The following USP8 variants were observed in gnomAD, a reference collection of about 807,000 sequenced individuals.
USP8 encodes the protein ubiquitin carboxyl-terminal hydrolase 8.
A neutral mutation model predicts 130.0 loss-of-function variants in USP8; 27 were observed. The ratio of observed to expected loss-of-function variants is 0.21; its 90% CI spans 0.15 to 0.29. The LOEUF is 0.29. USP8 is among the 10% of genes least tolerant of loss of function. USP8 has a pLI of 1.00. For synonymous variants in USP8, 392 were observed against 444.1 expected (o/e 0.88, Z 1.48); for missense variants, 1,029 against 1,312.2 (o/e 0.78, Z 3.33).
intron 4 of USP8, among the ~76,000 whole-genome samples, chr15:50,450,044 C>T (rs184352217): frequency 0.044 from 6,623 of 151,310 alleles, 160 homozygotes; most frequent in South Asian, 0.091. Context: ...CAGGCGCCCG[C>T]CACCTCACCC....
chr15:50,459,212 T>A, intron 5 of USP8, 50 bp downstream of exon 5: 2 of 1,558,318 alleles, frequency 1.3e-6, no homozygotes, highest in Non-Finnish European at 1.7e-6. Context: ...GCTTGTTAGA[T>A]GATTTGCTTA....
At chr15:50,485,545 T>A (rs1566880947) in intron 12 of USP8, among the ~76,000 whole-genome samples, 1 of 143,714 alleles carries the variant, frequency 7.0e-6, no homozygotes, top group African/African-American at 2.6e-5. Context: ...GCATGCAGTT[T>A]AGTGATTTTT....
chr15:50,485,381 C>T (rs554170769), intron 12 of USP8, among the ~76,000 whole-genome samples: 3 of 149,600 alleles, frequency 2.0e-5, no homozygotes, highest in South Asian at 2.1e-4. Context: ...ACCAGGGAGG[C>T]GGAGCTTGCA....
chr15:50,463,488 A>AAC (rs1280395829), intron 6 of USP8: 1 of 152,258 alleles, frequency 6.6e-6, no homozygotes, highest in Non-Finnish European at 1.5e-5. Flanking sequence ...AATTATAGGT[A>AAC]ACAGTAAAAT....
Position 50,502,603 on chromosome 15 carries a change from C to T in USP8, c.*3515C>T, listed in dbSNP as rs2052606914. 6.6e-6 allele frequency: 1 copy of T among 152,238 alleles called. No individual in the cohort carries two copies. Among genetic ancestry groups the T allele is most frequent in the Non-Finnish European group, 1.5e-5 (1 of 68,112 alleles). 9.4% of individuals were successfully genotyped at this position (152,238 alleles called of 1,614,324 possible). A position where few individuals can be genotyped will look rare whatever the true frequency, so the allele number is the denominator to read the frequency against. On this transcript the variant is annotated 3_prime_UTR_variant, in exon 20 of 20. Transcript: ENST00000307179. ...CAGGCTGGTCTTGAACTCCTGACCT[C>T]AAGTGATCCACCTGCCTCCACCTCC...
chr15:50,469,111 T>C (rs1393531130), intron 7 of USP8, among the ~76,000 whole-genome samples: 1 of 152,184 alleles, frequency 6.6e-6, no homozygotes, highest in African/African-American at 2.4e-5. Context: ...TTGTGTGTAG[T>C]TGTAGTTTGT....
chr15:50,454,983 C>CTTG (rs1370296998), intron 4 of USP8, among the ~76,000 whole-genome samples: 2 of 151,720 alleles, frequency 1.3e-5, no homozygotes, highest in Admixed American at 6.6e-5. Context: ...CTGTGTTGCC[C>CTTG]AGGATGGTTC....
At chr15:50,487,973 G>A (rs1243857666) in intron 12 of USP8, among the ~76,000 whole-genome samples, 1 of 152,124 alleles carries the variant, frequency 6.6e-6, no homozygotes, top group Non-Finnish European at 1.5e-5. Context: ...TGTGCCAAGG[G>A]TTCAAGAACA....
Position 50,507,615 on chromosome 15 carries a change from A to G in USP8, c.*8527A>G, listed in dbSNP as rs886552287. 4 of 152,218 alleles carry G rather than the reference A, an allele frequency of 2.6e-5. No individual in the cohort carries two copies. Among genetic ancestry groups the G allele is most frequent in the African/African-American group, 9.7e-5 (4 of 41,450 alleles). 9.4% of individuals were successfully genotyped at this position (152,218 alleles called of 1,614,324 possible). On this transcript the variant is annotated 3_prime_UTR_variant, in exon 20 of 20. Coordinates refer to ENST00000307179, the MANE Select transcript of USP8 (RefSeq NM_005154.5). ...AAAACAGACTTGTTAAAAACAAATG[A>G]CAGAACTATAGGGAAGTTTTGACAA...
At position 50,449,447 on chromosome 15, in the gene USP8, C is replaced by T. The variant is rs183341645; in HGVS notation, c.297C>T (p.Val99=). 2.1e-5 allele frequency: 33 copies of T among 1,595,856 alleles called. No homozygotes were observed. Among genetic ancestry groups the T allele is most frequent in the Admixed American group, 5.1e-5 (3 of 58,834 alleles). The part of the protein sequence containing the change: ...ILGPGNIKKA[V]EEAERLSESL... Reference sequence around the variant, plus strand: ...GACCTGGAAACATCAAAAAAGCTGTCGAAGAAGCTGAAAGACTCTCTGAAA... The same window carrying T: ...GACCTGGAAACATCAAAAAAGCTGTTGAAGAAGCTGAAAGACTCTCTGAAA... Residue 99 remains valine (V), a synonymous_variant, in exon 4 of 20, where the codon GTC becomes GTT. Coordinates refer to ENST00000307179, the MANE Select transcript of USP8 (RefSeq NM_005154.5).
intron 2 of USP8, among the ~76,000 whole-genome samples, chr15:50,439,685 G>C (rs1172758915): frequency 6.6e-6 from 1 of 151,720 alleles, no homozygotes; most frequent in Non-Finnish European, 1.5e-5. Flanking sequence ...AGCTACTCGG[G>C]AGGCTGAGGC....
chr15:50,484,992 G>A (rs540595644), intron 12 of USP8, among the ~76,000 whole-genome samples: 1 of 152,262 alleles, frequency 6.6e-6, no homozygotes, highest in South Asian at 2.1e-4. Context: ...AAGGGGAAAT[G>A]GGGAGTTATT....
intron 4 of USP8, among the ~76,000 whole-genome samples, chr15:50,454,028 A>G (rs2050710230): frequency 6.6e-6 from 1 of 151,806 alleles, no homozygotes; most frequent in African/African-American, 2.4e-5. Flanking sequence ...ATGCCTGGCT[A>G]ATTTTTGTAT....
In USP8 at chr15:50,500,408, TG is replaced by T. The variant is rs1274004740; in HGVS notation, c.*1321del. Reference sequence around the variant, plus strand: ...TTGAAACCTGAACTCACTATATAATTGCAGTGTTTTGAAGGCCTGCATCCAT... The same window carrying T: ...TTGAAACCTGAACTCACTATATAATTCAGTGTTTTGAAGGCCTGCATCCAT... On this transcript the variant is annotated 3_prime_UTR_variant, in exon 20 of 20. Coordinates refer to ENST00000307179, the MANE Select transcript of USP8 (RefSeq NM_005154.5). 1 of 173,496 alleles carries T rather than the reference TG, an allele frequency of 5.8e-6. No individual in the cohort carries two copies. The highest frequency in any genetic ancestry group is 2.3e-5 in the African/African-American group (1 of 42,586). 10.7% of individuals were successfully genotyped at this position (173,496 alleles called of 1,614,324 possible).
chr15:50,438,248 G>C (rs867404246), intron 1 of USP8, among the ~76,000 whole-genome samples: 1 of 152,178 alleles, frequency 6.6e-6, no homozygotes, highest in Non-Finnish European at 1.5e-5. Flanking sequence ...ATGTCCATTT[G>C]TTTAATGATA....
intron 1 of USP8, among the ~76,000 whole-genome samples, chr15:50,431,720 G>GA (rs538489890): frequency 1.1e-3 from 173 of 152,198 alleles, no homozygotes; most frequent in African/African-American, 4.1e-3. Context: ...GCAGTGGTGC[G>GA]ATCTTGGCTC....
intron 4 of USP8, among the ~76,000 whole-genome samples, chr15:50,449,773 G>A (rs1036112617): frequency 6.6e-6 from 1 of 151,600 alleles, no homozygotes; most frequent in African/African-American, 2.4e-5. Flanking sequence ...AGTAGAGACA[G>A]GGTTTCACCA....
chr15:50,468,689 C>T (rs1566866232), intron 7 of USP8, among the ~76,000 whole-genome samples: 3 of 152,058 alleles, frequency 2.0e-5, no homozygotes, highest in South Asian at 2.1e-4. Context: ...CTTTTCTGCT[C>T]CTCTCCCTCC....
At chr15:50,496,113 T>C in intron 17 of USP8, 29 bp downstream of exon 17, 1 of 1,525,508 alleles carries the variant, frequency 6.6e-7, no homozygotes, top group South Asian at 1.2e-5. Flanking sequence ...GAGAAAATGA[T>C]TTATTGGATA....
Sources: allele counts gnomAD v4.1 joint callset (sites outside exome capture counted in the v4.1 genomes callset), GRCh38; gene constraint gnomAD v4.1.1; transcripts MANE v1.5; gene names NCBI Gene and HGNC (gene_info 2026-07-23, HGNC 2026-07-21).